XRCC4: variants seen among roughly 807,000 people sequenced by gnomAD.
XRCC4 encodes the protein DNA repair protein XRCC4.
Under a neutral mutation model 39.1 loss-of-function variants are expected in XRCC4, and 28 were observed. The ratio of observed to expected loss-of-function variants is 0.72; its 90% CI spans 0.53 to 0.98. XRCC4 has a LOEUF of 0.98. XRCC4 is among the 50% of genes least tolerant of loss of function. XRCC4 has a pLI of 0.00. For synonymous variants in XRCC4, 123 were observed against 126.4 expected (o/e 0.97, Z 0.18); for missense variants, 350 against 376.4 (o/e 0.93, Z 0.58).
chr5:83,127,706 A>G (rs765760110), intron 3 of XRCC4, among the ~76,000 whole-genome samples: 14 of 151,966 alleles, frequency 9.2e-5, no homozygotes, highest in Non-Finnish European at 1.3e-4. Context: ...CTCCATATAG[A>G]TCCAGATTTC....
chr5:83,359,930 CT>C, the XRCC4 span, among the ~76,000 whole-genome samples: 4 of 152,098 alleles, frequency 2.6e-5, no homozygotes, highest in African/African-American at 9.6e-5. Context: ...ATGGTCTTAT[CT>C]ACATTAGATG....
chr5:83,250,860 A>C (rs1246365745), intron 6 of XRCC4, among the ~76,000 whole-genome samples: 1 of 152,240 alleles, frequency 6.6e-6, no homozygotes, highest in Non-Finnish European at 1.5e-5. Flanking sequence ...TTGACAATGG[A>C]AAAGAAAAAT....
At chr5:83,264,467 CAG>C (rs1753884202) in intron 7 of XRCC4, among the ~76,000 whole-genome samples, 1 of 152,034 alleles carries the variant, frequency 6.6e-6, no homozygotes. Flanking sequence ...GTGAGGGGGT[CAG>C]AGTCTGGTAT....
intron 7 of XRCC4, among the ~76,000 whole-genome samples, chr5:83,321,165 CT>C (rs1756060703): frequency 6.6e-6 from 1 of 152,078 alleles, no homozygotes. Context: ...GTAAACATAA[CT>C]TTTTCTGCAC....
Position 83,194,187 on chromosome 5 carries a change from C to T in XRCC4, c.316-1583C>T, listed in dbSNP as rs750076342. Among the ~76,000 whole-genome samples, 51 of 152,288 alleles carry T rather than the reference C, an allele frequency of 3.3e-4. No homozygotes were observed. In the Middle Eastern group the frequency reaches 0.014, roughly 41 times the overall value. On this transcript the variant is annotated intron_variant, in intron 3 of 7. Transcript: ENST00000396027. ...TCGAACTCCTGACCTCAGATGAACT[C>T]CACCTGCCTTGGCCTCCCAAAGTGT...
chr5:83,212,262 T>C (rs1424577259), intron 6 of XRCC4, among the ~76,000 whole-genome samples: 2 of 152,084 alleles, frequency 1.3e-5, no homozygotes, highest in Admixed American at 1.3e-4. Context: ...ATAGAAATTA[T>C]TTGAAATGAA....
chr5:83,137,740 A>G (rs375821891), intron 3 of XRCC4, among the ~76,000 whole-genome samples: 1 of 152,238 alleles, frequency 6.6e-6, no homozygotes, highest in African/African-American at 2.4e-5. Flanking sequence ...GGATTTAATT[A>G]ATTAGTGTGT....
chr5:83,099,026 T>C (rs1321163473), intron 1 of XRCC4, among the ~76,000 whole-genome samples: 5 of 152,206 alleles, frequency 3.3e-5, no homozygotes, highest in Non-Finnish European at 7.4e-5. Context: ...GACCACACTT[T>C]TGGTTTGCAA....
intron 3 of XRCC4, among the ~76,000 whole-genome samples, chr5:83,190,069 A>C (rs1750627260): frequency 6.6e-6 from 1 of 152,118 alleles, no homozygotes; most frequent in South Asian, 2.1e-4. Flanking sequence ...GTCTCAAAAA[A>C]ATAAAATAAA....
At chr5:83,189,892 C>T (rs990259751) in intron 3 of XRCC4, among the ~76,000 whole-genome samples, 1 of 151,966 alleles carries the variant, frequency 6.6e-6, no homozygotes, top group Non-Finnish European at 1.5e-5. Context: ...GGTGAAACTC[C>T]GTCTCTACTA....
intron 6 of XRCC4, among the ~76,000 whole-genome samples, chr5:83,231,941 G>A (rs1276000469): frequency 6.6e-6 from 1 of 151,910 alleles, no homozygotes; most frequent in Non-Finnish European, 1.5e-5. Context: ...AATTCCCTCT[G>A]CTATTGGACT....
At chr5:83,127,880 C>CTT (rs59797411) in intron 3 of XRCC4, among the ~76,000 whole-genome samples, 66 of 134,132 alleles carry the variant, frequency 4.9e-4, no homozygotes, top group South Asian at 1.6e-3. Context: ...TCTAAGTTGA[C>CTT]TTTTTTTTTT....
intron 6 of XRCC4, among the ~76,000 whole-genome samples, chr5:83,223,858 T>C (rs1190651691): frequency 8.8e-6 from 1 of 113,400 alleles, no homozygotes; most frequent in Non-Finnish European, 1.7e-5. Context: ...CAGGCCCCAG[T>C]GTGTGATGTT....
At chr5:83,078,420 G>A (rs781707280) in intron 1 of XRCC4, among the ~76,000 whole-genome samples, 2 of 152,230 alleles carry the variant, frequency 1.3e-5, no homozygotes, top group Admixed American at 1.3e-4. Flanking sequence ...TCTCAGGCAG[G>A]AGAGAGTTCT....
intron 6 of XRCC4, among the ~76,000 whole-genome samples, chr5:83,237,605 G>T (rs1327815901): frequency 6.6e-6 from 1 of 151,952 alleles, no homozygotes; most frequent in East Asian, 1.9e-4. Context: ...AGGGGAATAG[G>T]GTAGGGTTAA....
intron 1 of XRCC4, among the ~76,000 whole-genome samples, chr5:83,089,323 C>T (rs1212996412): frequency 6.6e-6 from 1 of 152,210 alleles, no homozygotes; most frequent in African/African-American, 2.4e-5. Context: ...TGTAATTCAG[C>T]TCCAGGCCCT....
intron 7 of XRCC4, among the ~76,000 whole-genome samples, chr5:83,301,845 T>C (rs1214684488): frequency 6.6e-6 from 1 of 152,206 alleles, no homozygotes; most frequent in African/African-American, 2.4e-5. Context: ...CCTTTCCCCA[T>C]TGCTTGTTTT....
At chr5:83,219,523 T>C (rs1001720593) in intron 6 of XRCC4, among the ~76,000 whole-genome samples, 3 of 152,088 alleles carry the variant, frequency 2.0e-5, no homozygotes, top group South Asian at 2.1e-4. Context: ...ATAGACGAGA[T>C]GATGAGATAA....
intron 1 of XRCC4, among the ~76,000 whole-genome samples, chr5:83,092,525 A>G (rs1442513056): frequency 6.6e-6 from 1 of 152,142 alleles, no homozygotes; most frequent in Non-Finnish European, 1.5e-5. Flanking sequence ...TGGTGTGTAG[A>G]GTAATTTTAT....
Sources: gnomAD v4.1 joint callset for allele counts (sites outside exome capture counted in the v4.1 genomes callset) on GRCh38, gnomAD v4.1.1 for gene constraint, MANE v1.5 for transcripts, NCBI Gene and HGNC (gene_info 2026-07-23, HGNC 2026-07-21) for gene names.